The following CACNA1B variants were observed in gnomAD, a reference collection of about 807,000 sequenced individuals.
The protein encoded by CACNA1B is voltage-dependent N-type calcium channel subunit alpha-1B.
In CACNA1B, 70 loss-of-function variants were observed where a neutral mutation model predicts 247.2. The ratio of observed to expected loss-of-function variants is 0.28; its 90% CI spans 0.23 to 0.35. The LOEUF (loss-of-function observed/expected upper bound fraction) is 0.35. Among genes scored for constraint, CACNA1B ranks in the 10% least tolerant of loss-of-function variants. The pLI, the probability that CACNA1B is intolerant of heterozygous loss-of-function variation, is 1.00. For missense variants in CACNA1B, 2,367 were observed against 3,197.4 expected (o/e 0.74, Z 6.26); for synonymous variants, 1,231 against 1,294.4 (o/e 0.95, Z 1.05).
rs554012435 is a variant in CACNA1B at position 137,974,819 on chromosome 9, C to A, written c.1544-1088C>A. Reference sequence around the variant, plus strand: ...GCCTGCCCTTCATGCCCTCCCAGGGCCTTGTTCTCCATGTGGGCTCTGCCC... The same window carrying A: ...GCCTGCCCTTCATGCCCTCCCAGGGACTTGTTCTCCATGTGGGCTCTGCCC... On this transcript the variant is annotated intron_variant, in intron 11 of 46. Coordinates refer to ENST00000371372, the MANE Select transcript of CACNA1B (RefSeq NM_000718.4). This position sits in a 1 kb window ranked among gnomAD's most constrained non-coding sequence, Gnocchi z 4.5. 6.6e-6 allele frequency among the ~76,000 whole-genome samples: 1 copy of A among 152,370 alleles called. No individual in the cohort carries two copies. Among genetic ancestry groups the A allele is most frequent in the East Asian group, 1.9e-4 (1 of 5,184 alleles).
At chr9:138,117,288 G>GT (rs79133844) in intron 42 of CACNA1B, among the ~76,000 whole-genome samples, 126,976 of 151,502 alleles carry the variant, frequency 0.84, 53,436 homozygotes, top group South Asian at 0.91. Context: ...GTGGCTTGGG[G>GT]GGGGGGTCAG....
At chr9:138,117,891 T>C in intron 42 of CACNA1B, 55 bp from the exon 43 acceptor site, 3 of 1,436,518 alleles carry the variant, frequency 2.1e-6, no homozygotes, top group South Asian at 3.0e-5. Flanking sequence ...AGGCTATTGG[T>C]AAGGCACCTG....
At chr9:137,995,212 CA>C (rs34306133) in intron 15 of CACNA1B, among the ~76,000 whole-genome samples, 70,742 of 115,520 alleles carry the variant, frequency 0.61, 20,524 homozygotes, top group Admixed American at 0.74. Flanking sequence ...GACTCCGTCT[CA>C]AAAAAAAAAA....
At chr9:138,097,685 G>C (rs1308222470) in intron 37 of CACNA1B, among the ~76,000 whole-genome samples, 1 of 152,226 alleles carries the variant, frequency 6.6e-6, no homozygotes. Flanking sequence ...TTCTCTCTCT[G>C]AGCTCCTCAG....
chr9:138,106,331 C>G (rs1351046593), intron 39 of CACNA1B, among the ~76,000 whole-genome samples: 1 of 152,198 alleles, frequency 6.6e-6, no homozygotes, highest in African/African-American at 2.4e-5. Flanking sequence ...GCCCCACCCC[C>G]CTGCGTCTGC....
chr9:137,904,561 G>A (rs556120104), intron 3 of CACNA1B, among the ~76,000 whole-genome samples: 5 of 151,604 alleles, frequency 3.3e-5, no homozygotes, highest in Admixed American at 2.0e-4. Flanking sequence ...GTAGAGATGG[G>A]TCTCATATGT....
At chr9:137,933,347 G>A (rs949391903) in intron 6 of CACNA1B, among the ~76,000 whole-genome samples, 10 of 152,106 alleles carry the variant, frequency 6.6e-5, no homozygotes, top group Non-Finnish European at 1.0e-4. Context: ...CACCGCGTCC[G>A]GCACATTGAT....
At chr9:138,063,291 G>A (rs929654012) in intron 31 of CACNA1B, among the ~76,000 whole-genome samples, 2 of 152,156 alleles carry the variant, frequency 1.3e-5, no homozygotes, top group Non-Finnish European at 2.9e-5. Context: ...CTAGGAGTTG[G>A]AGACTAGCCT....
At chr9:137,995,723 TAATC>T (rs1262680804) in intron 15 of CACNA1B, among the ~76,000 whole-genome samples, 2 of 152,094 alleles carry the variant, frequency 1.3e-5, no homozygotes, top group African/African-American at 2.4e-5. Context: ...GCAAAAGAAA[TAATC>T]AATAAACAGA....
chr9:138,089,439 G>A (rs888733727), intron 36 of CACNA1B, among the ~76,000 whole-genome samples: 2 of 151,994 alleles, frequency 1.3e-5, no homozygotes, highest in African/African-American at 4.8e-5. Context: ...CATCTCAATA[G>A]ACACAGAAAA....
In CACNA1B at chr9:138,116,465, C is replaced by A. The variant is rs1445444131; in HGVS notation, c.5777+786C>A. Among the ~76,000 whole-genome samples, 3 of 152,176 alleles carry A rather than the reference C, an allele frequency of 2.0e-5. No individual in the cohort carries two copies. In the East Asian group the frequency reaches 5.8e-4, roughly 29 times the overall value. On this transcript the variant is annotated intron_variant, in intron 42 of 46. Coordinates refer to ENST00000371372, the MANE Select transcript of CACNA1B (RefSeq NM_000718.4). ...GGGCTGACTCCCGAGCCGCTGGCAG[C>A]CCCCCATTCCCACACTGCTTTCAGC... is the stretch of plus-strand genomic sequence containing the variant.
In CACNA1B at chr9:137,971,375, C is replaced by G. The variant is rs200222915; in HGVS notation, c.1334-8C>G. ...CCCCACATCCTCAGTAACTCCCCAT[C>G]CCCTCAGGATCCCCCTTCGCCCGCG... On this transcript the variant is annotated splice_region_variant and splice_polypyrimidine_tract_variant and intron_variant, in intron 10 of 46. Transcript: ENST00000371372. This position sits in a 1 kb window ranked among gnomAD's most constrained non-coding sequence, Gnocchi z 4.4. 1 of 1,601,186 alleles carries G rather than the reference C, an allele frequency of 6.2e-7. No homozygotes were observed. The highest frequency in any genetic ancestry group is 8.5e-7 in the Non-Finnish European group (1 of 1,172,540).
In CACNA1B at chr9:137,974,384, T is replaced by C. The variant is rs548702357; in HGVS notation, c.1544-1523T>C. 1.4e-4 allele frequency among the ~76,000 whole-genome samples: 21 copies of C among 152,230 alleles called. No individual in the cohort carries two copies. The South Asian group carries it at 3.9e-3, about 29-fold the overall frequency. ...TCCCATGCTTAGCTTGAGTGCCTGG[T>C]GATTTTCTGGCTGGTGTCAGAGGCC... On this transcript the variant is annotated intron_variant, in intron 11 of 46. Transcript: ENST00000371372. The surrounding 1 kb of genome is among the most constrained non-coding windows in gnomAD (Gnocchi z 4.5).
chr9:138,114,266 T>C, intron 40 of CACNA1B, 112 bp from the exon 41 acceptor site: 1 of 634,128 alleles, frequency 1.6e-6, no homozygotes, highest in Non-Finnish European at 2.9e-6. Context: ...TTTCCAGGAG[T>C]CTTTGTGGGG....
chr9:137,933,815 A>G (rs1957634043), intron 6 of CACNA1B, among the ~76,000 whole-genome samples: 1 of 152,172 alleles, frequency 6.6e-6, no homozygotes, highest in African/African-American at 2.4e-5. Context: ...GGTAAAGGGA[A>G]GCTCTGTTGT....
rs1007875891 is a variant in CACNA1B, at chr9:138,072,405, C to T, written c.4675-1083C>T. On this transcript the variant is annotated intron_variant, in intron 32 of 46. Transcript: ENST00000371372. This position sits in a 1 kb window ranked among gnomAD's most constrained non-coding sequence, Gnocchi z 4.5. ...ACGGTAGCCCTGGAGAGTCGGGATG[C>T]TCTGCCAGGCCCTCACCGCCTCTGC... Among the ~76,000 whole-genome samples, 1 of 152,256 alleles carries T rather than the reference C, an allele frequency of 6.6e-6. No homozygotes were observed. Among genetic ancestry groups the T allele is most frequent in the Non-Finnish European group, 1.5e-5 (1 of 68,048 alleles).
chr9:138,063,491 C>T (rs1194807822), intron 31 of CACNA1B, among the ~76,000 whole-genome samples: 1 of 152,168 alleles, frequency 6.6e-6, no homozygotes, highest in Non-Finnish European at 1.5e-5. Context: ...GAGTCCCTGT[C>T]TCTAAAAAAT....
At chr9:138,108,623 A>G (rs954691855) in intron 39 of CACNA1B, among the ~76,000 whole-genome samples, 2 of 152,148 alleles carry the variant, frequency 1.3e-5, no homozygotes, top group Non-Finnish European at 2.9e-5. Context: ...ATTTTTTTAA[A>G]TCTTCAACAT....
chr9:138,001,803 A>T (rs539118954), intron 15 of CACNA1B, among the ~76,000 whole-genome samples: 1 of 152,326 alleles, frequency 6.6e-6, no homozygotes, highest in African/African-American at 2.4e-5. Context: ...GAAAGGTCTC[A>T]TTCACAGTAG....
Sources: allele counts gnomAD v4.1 joint callset (sites outside exome capture counted in the v4.1 genomes callset), GRCh38; gene constraint gnomAD v4.1.1; non-coding constraint Gnocchi (gnomAD v3.1); transcripts MANE v1.5; gene names NCBI Gene and HGNC (gene_info 2026-07-23, HGNC 2026-07-21).